DNER: variants seen among roughly 807,000 people sequenced by gnomAD.
DNER encodes the protein delta and Notch-like epidermal growth factor-related receptor.
Under a neutral mutation model 78.2 loss-of-function variants are expected in DNER, and 33 were observed. That is an observed-to-expected ratio of 0.42 (90% confidence interval 0.32 to 0.56). The LOEUF is 0.56. Ranked by LOEUF, DNER falls within the 20% of genes least tolerant of loss-of-function variation. The pLI is 0.11. For missense variants in DNER, 918 were observed against 975.3 expected (o/e 0.94, Z 0.78); for synonymous variants, 417 against 384.8 (o/e 1.08, Z -0.98).
intron 10 of DNER, among the ~76,000 whole-genome samples, chr2:229,394,754 A>G (rs1693095411): frequency 6.6e-6 from 1 of 152,256 alleles, no homozygotes; most frequent in South Asian, 2.1e-4. Context: ...GAGCCCATCT[A>G]GCAGCAAAAG....
intron 7 of DNER, among the ~76,000 whole-genome samples, chr2:229,473,576 G>A (rs535916378): frequency 1.3e-5 from 2 of 148,572 alleles, no homozygotes; most frequent in Non-Finnish European, 3.1e-5. Context: ...TAGACATAGT[G>A]AGTGATAGCT....
chr2:229,520,735 G>A (rs1038606152), intron 5 of DNER, among the ~76,000 whole-genome samples: 2 of 152,152 alleles, frequency 1.3e-5, no homozygotes, highest in African/African-American at 4.8e-5. Context: ...ATCTGCCATT[G>A]CATCTGCTGC....
Position 229,630,386 on chromosome 2 carries a change from G to A in DNER, c.277-38498C>T, listed in dbSNP as rs561339627. ...AGCTACTCAGGAGGCTGAGGCAGGA[G>A]AATTGCTTGAACCCGGAAGGCAGAG... On this transcript the variant is annotated intron_variant, in intron 1 of 12. Coordinates refer to ENST00000341772, the MANE Select transcript of DNER (RefSeq NM_139072.4). 3.9e-5 allele frequency among the ~76,000 whole-genome samples: 6 copies of A among 151,972 alleles called. No homozygotes were observed. The South Asian group carries it at 8.3e-4, about 21-fold the overall frequency.
At chr2:229,359,970 T>C (rs185690355) in intron 12 of DNER, among the ~76,000 whole-genome samples, 30 of 152,338 alleles carry the variant, frequency 2.0e-4, no homozygotes, top group Non-Finnish European at 3.8e-4. Flanking sequence ...AAGACTTCAA[T>C]AAATACTTTC....
At chr2:229,605,443 T>A (rs1490570722) in intron 1 of DNER, among the ~76,000 whole-genome samples, 1 of 152,220 alleles carries the variant, frequency 6.6e-6, no homozygotes, top group African/African-American at 2.4e-5. Flanking sequence ...TACTGATCAT[T>A]CAAATTATCT....
chr2:229,687,332 C>T (rs1026996985), intron 1 of DNER, among the ~76,000 whole-genome samples: 4 of 147,118 alleles, frequency 2.7e-5, no homozygotes, highest in African/African-American at 7.5e-5. Context: ...GGCACGATCT[C>T]GGTTCACTGC....
At chr2:229,384,155 T>C (rs1692808555) in intron 11 of DNER, among the ~76,000 whole-genome samples, 1 of 152,228 alleles carries the variant, frequency 6.6e-6, no homozygotes, top group East Asian at 1.9e-4. Flanking sequence ...TGCTCCTGAA[T>C]GACTACTGGG....
At chr2:229,458,322 T>C (rs1694621914) in intron 7 of DNER, among the ~76,000 whole-genome samples, 1 of 151,750 alleles carries the variant, frequency 6.6e-6, no homozygotes, top group Non-Finnish European at 1.5e-5. Context: ...AACAGGAAGC[T>C]TTAACAATCC....
At chr2:229,601,884 T>G (rs995738136) in intron 1 of DNER, among the ~76,000 whole-genome samples, 2 of 152,138 alleles carry the variant, frequency 1.3e-5, no homozygotes, top group African/African-American at 4.8e-5. Flanking sequence ...AAAGGAATTG[T>G]TCTTCAAAAA....
rs1002004071 is a variant in DNER at position 229,609,970 on chromosome 2, T to A, written c.277-18082A>T. Among the ~76,000 whole-genome samples, 10 of 152,346 alleles carry A rather than the reference T, an allele frequency of 6.6e-5. 1 individual carries two copies. Among genetic ancestry groups the A allele is most frequent in the African/African-American group, 2.4e-4 (10 of 41,580 alleles). On this transcript the variant is annotated intron_variant, in intron 1 of 12. Coordinates refer to ENST00000341772, the MANE Select transcript of DNER (RefSeq NM_139072.4). ...ATGTGAAATTTTATCACATAAAAGT[T>A]TTTGCCATGAGAAAAATCAATCCAT...
In DNER at chr2:229,364,929, C is replaced by T. The variant is rs181638704; in HGVS notation, c.2102+1944G>A. Among the ~76,000 whole-genome samples the T allele has an allele frequency of 1.3e-4, 19 of 144,226 alleles. No homozygotes were observed. The East Asian group carries it at 3.3e-3, about 25-fold the overall frequency. 94.6% of individuals were successfully genotyped at this position (144,226 alleles called of 152,430 possible). ...GCAGTGGTGTCATCTCAGCTCACTG[C>T]AACCTCCACCTCGTGGGTTCAAGTG... On this transcript the variant is annotated intron_variant, in intron 12 of 12. Coordinates refer to ENST00000341772, the MANE Select transcript of DNER (RefSeq NM_139072.4).
At chr2:229,564,631 ATCCTCACC>A in intron 4 of DNER, among the ~76,000 whole-genome samples, 5 of 131,552 alleles carry the variant, frequency 3.8e-5, no homozygotes, top group African/African-American at 1.5e-4. Context: ...CATCATCCTC[ATCCTCACC>A]CCATCACCAC....
At chr2:229,472,738 A>T (rs1289154539) in intron 7 of DNER, among the ~76,000 whole-genome samples, 1 of 152,232 alleles carries the variant, frequency 6.6e-6, no homozygotes, top group Non-Finnish European at 1.5e-5. Flanking sequence ...TCATTCAATT[A>T]GGTGGATATT....
At chr2:229,554,887 G>C (rs1574900197) in intron 4 of DNER, among the ~76,000 whole-genome samples, 1 of 81,584 alleles carries the variant, frequency 1.2e-5, no homozygotes, top group East Asian at 3.2e-4. Flanking sequence ...GAAGAGAAGA[G>C]AAGAGAAGAG....
At chr2:229,693,007 A>C (rs975882002) in intron 1 of DNER, among the ~76,000 whole-genome samples, 1 of 152,056 alleles carries the variant, frequency 6.6e-6, no homozygotes, top group Non-Finnish European at 1.5e-5. Context: ...ACCTCTGTGC[A>C]TTCCAGTCTG....
intron 8 of DNER, among the ~76,000 whole-genome samples, chr2:229,440,358 T>C (rs1267284012): frequency 6.6e-6 from 1 of 152,132 alleles, no homozygotes; most frequent in East Asian, 1.9e-4. Context: ...CTGACTCAGC[T>C]CCTCACGCCC....
intron 6 of DNER, among the ~76,000 whole-genome samples, chr2:229,484,478 C>T (rs565384418): frequency 6.6e-6 from 1 of 152,310 alleles, no homozygotes; most frequent in East Asian, 1.9e-4. Flanking sequence ...TAGCATTCAG[C>T]ACCTCCAACA....
intron 4 of DNER, among the ~76,000 whole-genome samples, chr2:229,584,893 C>CAAAA (rs112680143): frequency 1.6e-5 from 1 of 60,804 alleles, no homozygotes; most frequent in Non-Finnish European, 3.5e-5. Context: ...GAGATCGTCC[C>CAAAA]AAAAAAAAAA....
chr2:229,558,510 A>C (rs1452622465), intron 4 of DNER, among the ~76,000 whole-genome samples: 1 of 152,198 alleles, frequency 6.6e-6, no homozygotes, highest in African/African-American at 2.4e-5. Context: ...TGCAACCCAC[A>C]AAAAATGTAA....
Sources: gnomAD v4.1 joint callset for allele counts (sites outside exome capture counted in the v4.1 genomes callset) on GRCh38, gnomAD v4.1.1 for gene constraint, MANE v1.5 for transcripts, NCBI Gene and HGNC (gene_info 2026-07-23, HGNC 2026-07-21) for gene names.